DGKB: variants seen among roughly 807,000 people sequenced by gnomAD.
The protein encoded by DGKB is 90 kDa diacylglycerol kinase.
A neutral mutation model predicts 114.3 loss-of-function variants in DGKB; 67 were observed. The observed-to-expected ratio is 0.59, with a 90% CI of 0.48 to 0.72. The LOEUF (loss-of-function observed/expected upper bound fraction) is 0.72, where lower values mean the gene tolerates loss of function less well. DGKB is among the 30% of genes least tolerant of loss of function. DGKB has a pLI of 0.00. For missense variants in DGKB, 907 were observed against 975.2 expected, an observed-to-expected ratio of 0.93 and a Z score of 0.93; for synonymous variants, 398 against 323.1, an observed-to-expected ratio of 1.23 and a Z score of -2.49.
intron 19 of DGKB, among the ~76,000 whole-genome samples, chr7:14,576,670 C>T (rs946757569): frequency 2.0e-5 from 3 of 152,054 alleles, no homozygotes; most frequent in Non-Finnish European, 1.5e-5. Context: ...ATAGCAGCAC[C>T]GTCCAACATA....
chr7:14,194,371 A>G (rs1784729916), intron 23 of DGKB, among the ~76,000 whole-genome samples: 1 of 152,244 alleles, frequency 6.6e-6, no homozygotes, highest in South Asian at 2.1e-4. Context: ...AGCCATAAAA[A>G]GAATAAAATC....
At chr7:14,247,319 A>T (rs1794630009) in intron 23 of DGKB, among the ~76,000 whole-genome samples, 1 of 152,174 alleles carries the variant, frequency 6.6e-6, no homozygotes, top group African/African-American at 2.4e-5. Context: ...TGAACATGAG[A>T]GTACAGATAT....
At chr7:14,480,957 T>A (rs970113846) in intron 20 of DGKB, among the ~76,000 whole-genome samples, 2 of 152,150 alleles carry the variant, frequency 1.3e-5, no homozygotes, top group South Asian at 4.1e-4. Flanking sequence ...TGAAATATAT[T>A]TTTAAAGACT....
At chr7:14,824,339 T>C (rs1245108135) in intron 2 of DGKB, among the ~76,000 whole-genome samples, 1 of 152,192 alleles carries the variant, frequency 6.6e-6, no homozygotes, top group Non-Finnish European at 1.5e-5. Flanking sequence ...ATTTTGTTTT[T>C]GCCTTTTAGA....
At chr7:14,550,585 C>T (rs1794969086) in intron 20 of DGKB, among the ~76,000 whole-genome samples, 2 of 152,200 alleles carry the variant, frequency 1.3e-5, no homozygotes, top group African/African-American at 2.4e-5. Context: ...CTTTATGTCA[C>T]AAAACAATAA....
intron 21 of DGKB, among the ~76,000 whole-genome samples, chr7:14,392,944 G>T (rs534329236): frequency 1.6e-3 from 235 of 151,310 alleles, no homozygotes; most frequent in Non-Finnish European, 2.3e-3. Context: ...TTCAGGGAAG[G>T]GCTCAGCCAA....
At chr7:14,656,751 T>TACACAC (rs10623353) in intron 13 of DGKB, among the ~76,000 whole-genome samples, 1,466 of 127,704 alleles carry the variant, frequency 0.011, 10 homozygotes, top group South Asian at 0.013. Flanking sequence ...ATATAGGATA[T>TACACAC]ATACACACAC....
intron 25 of DGKB, among the ~76,000 whole-genome samples, chr7:14,151,164 T>C (rs1782137042): frequency 6.6e-6 from 1 of 152,056 alleles, no homozygotes; most frequent in Non-Finnish European, 1.5e-5. Flanking sequence ...AAACAGAACA[T>C]TAAGAGCTAA....
At chr7:14,639,642 C>T (rs972084887) in intron 13 of DGKB, among the ~76,000 whole-genome samples, 1 of 152,212 alleles carries the variant, frequency 6.6e-6, no homozygotes, top group Non-Finnish European at 1.5e-5. Flanking sequence ...TGGATTTTTG[C>T]TGCAAAGCCC....
Position 14,178,139 on chromosome 7 carries a change from T to C in DGKB, c.2135A>G (p.Gln712Arg). ...LKFASQDLSD[Q>R]LLEVVGLEGA... ...TTCCAAGCCGACCACCTCCAGCAGCTGGTCACTGAGATCTGAAAGAAAGTA... is the reference window on the plus strand; with the variant it reads ...TTCCAAGCCGACCACCTCCAGCAGCCGGTCACTGAGATCTGAAAGAAAGTA... Residue 712 changes from glutamine to arginine, a missense_variant, in exon 24 of 26, where the codon CAG becomes CGG. Physicochemically the swap from Gln to Arg is conservative, Grantham distance 43. This residue lies in a region of DGKB where 814 missense variants were observed against 856.6 expected (regional missense o/e 0.95). Coordinates refer to ENST00000402815, the MANE Select transcript of DGKB (RefSeq NM_001350709.2). The C allele has an allele frequency of 6.2e-7, 1 of 1,613,534 alleles. No homozygotes were observed. The highest frequency in any genetic ancestry group is 1.1e-5 in the South Asian group (1 of 91,072).
intron 5 of DGKB, among the ~76,000 whole-genome samples, chr7:14,721,435 G>T (rs956152693): frequency 6.6e-6 from 1 of 151,996 alleles, no homozygotes; most frequent in Non-Finnish European, 1.5e-5. Flanking sequence ...TTTTTGTTTG[G>T]AAAAATGAGT....
chr7:14,455,229 G>A (rs901702219), intron 21 of DGKB, among the ~76,000 whole-genome samples: 2 of 151,884 alleles, frequency 1.3e-5, no homozygotes, highest in Non-Finnish European at 1.5e-5. Context: ...TTTATTACTG[G>A]TTATCTGCTA....
intron 23 of DGKB, among the ~76,000 whole-genome samples, chr7:14,220,340 T>G (rs897690465): frequency 6.6e-6 from 1 of 151,576 alleles, no homozygotes; most frequent in Non-Finnish European, 1.5e-5. Context: ...ATTCTTTGTA[T>G]GTAGATATCC....
chr7:14,170,982 G>C (rs1379772049), intron 25 of DGKB, among the ~76,000 whole-genome samples: 1 of 152,124 alleles, frequency 6.6e-6, no homozygotes, highest in Non-Finnish European at 1.5e-5. Flanking sequence ...GGGTCACACA[G>C]TAGAAGTCTG....
chr7:14,683,148 G>C (rs1228301346), intron 10 of DGKB, among the ~76,000 whole-genome samples: 1 of 152,098 alleles, frequency 6.6e-6, no homozygotes, highest in African/African-American at 2.4e-5. Context: ...AAATATTAAA[G>C]ACAAATTGAT....
chr7:14,288,032 T>C (rs972419549), intron 23 of DGKB, among the ~76,000 whole-genome samples: 1 of 152,070 alleles, frequency 6.6e-6, no homozygotes, highest in African/African-American at 2.4e-5. Flanking sequence ...AGTGCAAGGT[T>C]TCTCTGCAAA....
intron 21 of DGKB, among the ~76,000 whole-genome samples, chr7:14,369,690 A>G (rs1050980166): frequency 1.3e-5 from 2 of 151,912 alleles, no homozygotes; most frequent in East Asian, 3.9e-4. Context: ...ATCTTTTTTT[A>G]TATGTTTGTT....
chr7:14,326,943 C>A (rs926800128), intron 23 of DGKB, among the ~76,000 whole-genome samples: 1 of 152,084 alleles, frequency 6.6e-6, no homozygotes, highest in Admixed American at 6.6e-5. Flanking sequence ...TATTACAACA[C>A]ATATACACAA....
At chr7:14,928,521 C>T (rs1036740912) in intron 1 of DGKB, among the ~76,000 whole-genome samples, 5 of 151,920 alleles carry the variant, frequency 3.3e-5, no homozygotes, top group Admixed American at 1.3e-4. Context: ...GCTATATTAA[C>T]TTCTCCAGTG....
Sources: gnomAD v4.1 joint callset for allele counts (sites outside exome capture counted in the v4.1 genomes callset) on GRCh38, gnomAD v4.1.1 for gene constraint, gnomAD v4.1.1 regional missense constraint, MANE v1.5 for transcripts, NCBI Gene and HGNC (gene_info 2026-07-23, HGNC 2026-07-21) for gene names.